The following ESRRG variants were observed in gnomAD, a reference collection of about 807,000 sequenced individuals.
The protein encoded by ESRRG is estrogen related receptor gamma, also known as estrogen-related receptor gamma.
Under a neutral mutation model 44.0 loss-of-function variants are expected in ESRRG, and 13 were observed. The ratio of observed to expected loss-of-function variants is 0.30; its 90% CI spans 0.19 to 0.47. The LOEUF is 0.47. Among genes scored for constraint, ESRRG ranks in the 20% least tolerant of loss-of-function variants. ESRRG has a pLI of 1.00. For missense variants in ESRRG, 395 were observed against 580.6 expected (o/e 0.68, Z 3.29); for synonymous variants, 215 against 214.6 (o/e 1.00, Z -0.02).
chr1:216,713,283 A>C (rs1284364399), intron 1 of ESRRG, among the ~76,000 whole-genome samples: 1 of 152,156 alleles, frequency 6.6e-6, no homozygotes, highest in Non-Finnish European at 1.5e-5. Context: ...AGGTGCTTTA[A>C]GATGGACTAT....
chr1:216,786,465 C>G (rs1433503602), intron 2 of ESRRG, among the ~76,000 whole-genome samples: 1 of 151,894 alleles, frequency 6.6e-6, no homozygotes, highest in Non-Finnish European at 1.5e-5. Flanking sequence ...GGGGTTAACA[C>G]CAAAGAAATA....
chr1:217,004,732 T>C (rs1401449404), intron 1 of ESRRG, among the ~76,000 whole-genome samples: 1 of 152,212 alleles, frequency 6.6e-6, no homozygotes. Context: ...AATCAATTAA[T>C]TTATTCTGAA....
At chr1:216,813,753 A>G (rs2095048263) in intron 2 of ESRRG, among the ~76,000 whole-genome samples, 1 of 152,160 alleles carries the variant, frequency 6.6e-6, no homozygotes, top group Non-Finnish European at 1.5e-5. Context: ...CACACTATAC[A>G]CACATAATTG....
At chr1:216,938,731 G>A (rs956541557) in intron 2 of ESRRG, among the ~76,000 whole-genome samples, 2 of 152,166 alleles carry the variant, frequency 1.3e-5, no homozygotes, top group African/African-American at 4.8e-5. Context: ...ACTGGCCTCT[G>A]CAGCAGGAAC....
At chr1:217,129,150 A>G (rs924853178) in intron 1 of ESRRG, among the ~76,000 whole-genome samples, 1 of 152,232 alleles carries the variant, frequency 6.6e-6, no homozygotes, top group Admixed American at 6.5e-5. Flanking sequence ...CAACAAAGAG[A>G]CAAAAGTCCC....
intron 1 of ESRRG, among the ~76,000 whole-genome samples, chr1:217,055,376 C>T (rs935624526): frequency 6.6e-6 from 1 of 152,088 alleles, no homozygotes; most frequent in Non-Finnish European, 1.5e-5. Flanking sequence ...TACAGGAGAA[C>T]CACCTTATAT....
chr1:216,528,158 A>T (rs912122124), intron 5 of ESRRG, among the ~76,000 whole-genome samples: 6 of 152,242 alleles, frequency 3.9e-5, no homozygotes, highest in Non-Finnish European at 5.9e-5. Context: ...ATACATCAAC[A>T]TATAACAAAA....
chr1:216,548,755 A>T (rs2055339804), intron 5 of ESRRG, among the ~76,000 whole-genome samples: 1 of 152,016 alleles, frequency 6.6e-6, no homozygotes, highest in South Asian at 2.1e-4. Flanking sequence ...GCTCGTCCGT[A>T]TTCCCCAATA....
At chr1:216,581,333 T>C (rs1021975001) in intron 3 of ESRRG, among the ~76,000 whole-genome samples, 2 of 152,206 alleles carry the variant, frequency 1.3e-5, no homozygotes, top group African/African-American at 2.4e-5. Flanking sequence ...CCTCTGTATA[T>C]ATGTATATAC....
intron 1 of ESRRG, among the ~76,000 whole-genome samples, chr1:216,971,417 T>C (rs2071633459): frequency 6.6e-6 from 1 of 152,154 alleles, no homozygotes; most frequent in Non-Finnish European, 1.5e-5. Context: ...GAAATGCGTG[T>C]CATCCAAACT....
chr1:216,803,124 T>G (rs1472895863), intron 2 of ESRRG, among the ~76,000 whole-genome samples: 1 of 151,972 alleles, frequency 6.6e-6, no homozygotes, highest in Admixed American at 6.6e-5. Context: ...CCCCACAGTG[T>G]CCCCCAACAG....
chr1:216,961,561 A>ATTTTTTTT (rs35113256), intron 1 of ESRRG, among the ~76,000 whole-genome samples: 1 of 131,970 alleles, frequency 7.6e-6, no homozygotes, highest in Non-Finnish European at 1.6e-5. Flanking sequence ...ATTTACTCTT[A>ATTTTTTTT]TTTTTTTTTT....
chr1:216,583,248 C>A (rs900829583), intron 3 of ESRRG, among the ~76,000 whole-genome samples: 1 of 152,176 alleles, frequency 6.6e-6, no homozygotes, highest in Non-Finnish European at 1.5e-5. Context: ...AGTATCATTG[C>A]AGCTAGAGAC....
At chr1:216,720,377 G>GA (rs35656612) in intron 1 of ESRRG, among the ~76,000 whole-genome samples, 14 of 151,314 alleles carry the variant, frequency 9.3e-5, no homozygotes, top group African/African-American at 1.9e-4. Flanking sequence ...AGATTGTAGG[G>GA]AAAAAAAATA....
At chr1:216,857,215 C>T (rs2095960317) in intron 2 of ESRRG, among the ~76,000 whole-genome samples, 4 of 151,980 alleles carry the variant, frequency 2.6e-5, no homozygotes, top group Admixed American at 2.6e-4. Flanking sequence ...ACATGAAAGA[C>T]AATTAAACCC....
At chr1:216,568,605 C>T (rs974669226) in intron 3 of ESRRG, among the ~76,000 whole-genome samples, 1 of 152,190 alleles carries the variant, frequency 6.6e-6, no homozygotes, top group Admixed American at 6.5e-5. Context: ...CAGAATTACA[C>T]TACACAGATT....
intron 1 of ESRRG, among the ~76,000 whole-genome samples, chr1:216,948,476 C>CAAACAA (rs2066431555): frequency 9.7e-6 from 1 of 103,394 alleles, no homozygotes. Flanking sequence ...GACTCCATCT[C>CAAACAA]AAAAAAAAAA....
intron 2 of ESRRG, among the ~76,000 whole-genome samples, chr1:216,764,569 CA>C (rs201132123): frequency 0.028 from 4,175 of 148,352 alleles, 81 homozygotes; most frequent in Admixed American, 0.052. Flanking sequence ...ATGCCCGGCC[CA>C]GGGGGGGACT....
chr1:216,565,973 T>A (rs927696929), intron 4 of ESRRG, among the ~76,000 whole-genome samples: 1 of 84,926 alleles, frequency 1.2e-5, no homozygotes, highest in Non-Finnish European at 2.5e-5. Context: ...AAAGTAATCA[T>A]GATTCTAGTT....
Sources: allele counts gnomAD v4.1 joint callset (sites outside exome capture counted in the v4.1 genomes callset), GRCh38; gene constraint gnomAD v4.1.1; transcripts MANE v1.5; gene names NCBI Gene and HGNC (gene_info 2026-07-23, HGNC 2026-07-21).